LPP: variants seen among roughly 807,000 people sequenced by gnomAD.
LPP encodes the protein lipoma-preferred partner.
LPP carries 38 observed loss-of-function variants against 60.4 expected under a neutral mutation model. The observed-to-expected ratio is 0.63, with a 90% CI of 0.49 to 0.83. The LOEUF (loss-of-function observed/expected upper bound fraction) is 0.83. Ranked by LOEUF, LPP falls within the 40% of genes least tolerant of loss-of-function variation. The probability of loss-of-function intolerance (pLI) is 0.00; values close to 1 mark genes in which losing one functional copy is unlikely to be tolerated. For synonymous variants in LPP, 328 were observed against 290.8 expected, an observed-to-expected ratio of 1.13 and a Z score of -1.30; for missense variants, 902 against 783.6, an observed-to-expected ratio of 1.15 and a Z score of -1.80.
At chr3:188,636,214 C>T (rs925405144) in intron 7 of LPP, among the ~76,000 whole-genome samples, 14 of 152,124 alleles carry the variant, frequency 9.2e-5, no homozygotes, top group South Asian at 2.1e-4. Flanking sequence ...GTGTGCGAGC[C>T]GAAGCAGGGC....
intron 3 of LPP, among the ~76,000 whole-genome samples, chr3:188,345,902 T>A (rs1311791392): frequency 6.6e-6 from 1 of 152,198 alleles, no homozygotes; most frequent in Non-Finnish European, 1.5e-5. Flanking sequence ...GTTCAAATCC[T>A]GGCTCTAATT....
chr3:188,343,035 G>A (rs544385180), intron 3 of LPP, among the ~76,000 whole-genome samples: 1 of 151,996 alleles, frequency 6.6e-6, no homozygotes, highest in Admixed American at 6.6e-5. Flanking sequence ...TTTACTTTAA[G>A]TTCTTGGATA....
intron 1 of LPP, among the ~76,000 whole-genome samples, chr3:188,174,459 C>G (rs145305368): frequency 6.6e-6 from 1 of 152,196 alleles, no homozygotes; most frequent in Non-Finnish European, 1.5e-5. Flanking sequence ...ACCCGAGGAA[C>G]GCACGCATGA....
intron 9 of LPP, among the ~76,000 whole-genome samples, chr3:188,815,617 GA>G (rs797016921): frequency 7.3e-5 from 11 of 149,730 alleles, no homozygotes; most frequent in East Asian, 1.9e-4. Flanking sequence ...ATTTGTTGGG[GA>G]AAAAAAAAAT....
intron 9 of LPP, among the ~76,000 whole-genome samples, chr3:188,845,035 T>C (rs548469988): frequency 1.3e-5 from 2 of 152,366 alleles, no homozygotes; most frequent in East Asian, 1.9e-4. Flanking sequence ...CTTTAAACTC[T>C]AACTTTGAAA....
intron 5 of LPP, among the ~76,000 whole-genome samples, chr3:188,506,158 C>T (rs1364596089): frequency 6.6e-6 from 1 of 152,200 alleles, no homozygotes; most frequent in African/African-American, 2.4e-5. Context: ...TCTGCATCCT[C>T]AGTCTTTTGA....
At chr3:188,700,851 C>T (rs1444757514) in intron 7 of LPP, among the ~76,000 whole-genome samples, 1 of 152,142 alleles carries the variant, frequency 6.6e-6, no homozygotes, top group African/African-American at 2.4e-5. Flanking sequence ...TGATTTCACT[C>T]TAAAGATTGG....
intron 5 of LPP, among the ~76,000 whole-genome samples, chr3:188,490,362 G>A (rs1037340783): frequency 2.6e-5 from 4 of 152,106 alleles, no homozygotes; most frequent in Admixed American, 1.3e-4. Flanking sequence ...ACAATTCAAA[G>A]CTCATATATG....
At position 188,495,064 on chromosome 3, in the gene LPP, T is replaced by A. The variant is rs1383445268; in HGVS notation, c.306+10360T>A. ...CCTTGCTATTATAAGGTTCAGGATT[T>A]TATATATATATATATATATTTTATT... On this transcript the variant is annotated intron_variant, in intron 5 of 11. Coordinates refer to ENST00000617246, the MANE Select transcript of LPP (RefSeq NM_001375462.1). Among the ~76,000 whole-genome samples the A allele has an allele frequency of 3.7e-4, 20 of 53,876 alleles. 1 individual carries two copies. Among genetic ancestry groups the A allele is most frequent in the African/African-American group, 1.4e-3 (20 of 14,206 alleles). 35.3% of individuals were successfully genotyped at this position (53,876 alleles called of 152,430 possible).
intron 3 of LPP, among the ~76,000 whole-genome samples, chr3:188,347,986 A>G (rs901274293): frequency 1.3e-5 from 2 of 151,982 alleles, no homozygotes. Context: ...TTTATTTCCT[A>G]CCTTTCCGTT....
chr3:188,486,642 T>A (rs1806634666), intron 5 of LPP, among the ~76,000 whole-genome samples: 1 of 152,228 alleles, frequency 6.6e-6, no homozygotes, highest in Non-Finnish European at 1.5e-5. Flanking sequence ...TCATTTGAAA[T>A]CAGTAAATTG....
intron 6 of LPP, among the ~76,000 whole-genome samples, chr3:188,585,900 T>A (rs1396398094): frequency 1.3e-5 from 2 of 152,202 alleles, no homozygotes; most frequent in African/African-American, 4.8e-5. Flanking sequence ...ATAACACTGT[T>A]TTACAGGCTG....
At position 188,688,159 on chromosome 3, in the gene LPP, G is replaced by T. The variant is rs181042151; in HGVS notation, c.1114-20108G>T. 4.5e-4 allele frequency among the ~76,000 whole-genome samples: 68 copies of T among 152,238 alleles called. 1 individual carries two copies. In the East Asian group the frequency reaches 8.3e-3, roughly 19 times the overall value. On this transcript the variant is annotated intron_variant, in intron 7 of 11. Coordinates refer to ENST00000617246, the MANE Select transcript of LPP (RefSeq NM_001375462.1). ...ACAATAATCTATATGATGGGCTTTT[G>T]GCCTAAACCCATATCCTTTAGATGA...
rs1553893973 is a variant in LPP at position 188,422,913 on chromosome 3, T to TGTGTGTGTG, written c.193+16600_193+16601insGTGTGTGTG. 7.2e-3 allele frequency among the ~76,000 whole-genome samples: 957 copies of TGTGTGTGTG among 133,842 alleles called. 11 individuals carry two copies. The highest frequency in any genetic ancestry group is 0.026 in the African/African-American group (890 of 34,898). The allele number at this position is 133,842 out of a possible 152,430, so 87.8% of individuals were successfully genotyped here. A position where few individuals can be genotyped will look rare whatever the true frequency, so the allele number is the denominator to read the frequency against. ...CATATTTTTCTTTTTGGTGTCTTCT[T>TGTGTGTGTG]TGTGTGTGTGTGTGTGTGTGTGTGT... On this transcript the variant is annotated intron_variant, in intron 4 of 11. Transcript: ENST00000617246.
Position 188,301,216 on chromosome 3 carries a change from C to G in LPP, c.-66-40447C>G, listed in dbSNP as rs192907854. Among the ~76,000 whole-genome samples, 9 of 152,302 alleles carry G rather than the reference C, an allele frequency of 5.9e-5. No individual in the cohort carries two copies. The South Asian group carries it at 1.2e-3, about 21-fold the overall frequency. On this transcript the variant is annotated intron_variant, in intron 2 of 11. Transcript: ENST00000617246. ...TATTTATCTATTTGCCTATCCATAT[C>G]TACACCTGCTTGTCTGCTCACTGTC...
intron 9 of LPP, among the ~76,000 whole-genome samples, chr3:188,783,776 A>G (rs1306546034): frequency 6.6e-6 from 1 of 152,188 alleles, no homozygotes; most frequent in East Asian, 1.9e-4. Flanking sequence ...GCCTGCTACC[A>G]GGCCCCTATC....
chr3:188,553,023 G>A (rs181575763), intron 6 of LPP, among the ~76,000 whole-genome samples: 19 of 152,222 alleles, frequency 1.2e-4, no homozygotes, highest in African/African-American at 2.9e-4. Context: ...AGTGTGTTTC[G>A]TGCTAATGTA....
Position 188,851,367 on chromosome 3 carries a change from C to G in LPP, c.1411-14833C>G, listed in dbSNP as rs115882722. Reference sequence around the variant, plus strand: ...ATGTCTAGAGATGATAAGAATAATACTACATGCTTTTGAAGAAAAGGAATT... The same window carrying G: ...ATGTCTAGAGATGATAAGAATAATAGTACATGCTTTTGAAGAAAAGGAATT... On this transcript the variant is annotated intron_variant, in intron 9 of 11. Transcript: ENST00000617246. Among the ~76,000 whole-genome samples, 563 of 152,216 alleles carry G rather than the reference C, an allele frequency of 3.7e-3. 1 individual carries two copies. Among genetic ancestry groups the G allele is most frequent in the African/African-American group, 0.013 (538 of 41,506 alleles).
At chr3:188,765,970 A>G (rs1357002718) in intron 9 of LPP, among the ~76,000 whole-genome samples, 1 of 143,670 alleles carries the variant, frequency 7.0e-6, no homozygotes, top group Non-Finnish European at 1.5e-5. Context: ...TCCCGGATTC[A>G]AGCAATTCTC....
Sources: allele counts gnomAD v4.1 joint callset (sites outside exome capture counted in the v4.1 genomes callset), GRCh38; gene constraint gnomAD v4.1.1; transcripts MANE v1.5; gene names NCBI Gene and HGNC (gene_info 2026-07-23, HGNC 2026-07-21).